The following ADARB1 variants were observed in gnomAD, a reference collection of about 807,000 sequenced individuals.
ADARB1 encodes the protein double-stranded RNA-specific editase 1.
In ADARB1, 10 loss-of-function variants were observed where a neutral mutation model predicts 52.4. The ratio of observed to expected loss-of-function variants is 0.19; its 90% confidence interval spans 0.12 to 0.32. The LOEUF is 0.32. ADARB1 is among the 10% of genes least tolerant of loss of function. The pLI, the probability that ADARB1 is intolerant of heterozygous loss-of-function variation, is 1.00. For synonymous variants in ADARB1, 349 were observed against 371.1 expected (o/e 0.94, Z 0.68); for missense variants, 643 against 922.3 (o/e 0.70, Z 3.92).
At chr21:45,113,079 G>A (rs1281960648) in intron 1 of ADARB1, among the ~76,000 whole-genome samples, 3 of 152,094 alleles carry the variant, frequency 2.0e-5, no homozygotes, top group Admixed American at 1.3e-4. Flanking sequence ...TTGCTTGCAC[G>A]CCTTTCCTAG....
At chr21:45,194,364 C>T (rs1473724951) in intron 8 of ADARB1, among the ~76,000 whole-genome samples, 1 of 152,170 alleles carries the variant, frequency 6.6e-6, no homozygotes, top group East Asian at 1.9e-4. Context: ...TGTATAATGA[C>T]CTGTATCCAC....
intron 2 of ADARB1, among the ~76,000 whole-genome samples, chr21:45,132,050 A>T (rs2088977448): frequency 6.6e-6 from 1 of 152,202 alleles, no homozygotes; most frequent in African/African-American, 2.4e-5. Flanking sequence ...AAAACTTGAC[A>T]TTTTTCTTCC....
chr21:45,109,320 G>C (rs439077), intron 1 of ADARB1, among the ~76,000 whole-genome samples: 1 of 152,118 alleles, frequency 6.6e-6, no homozygotes, highest in African/African-American at 2.4e-5. Flanking sequence ...GTGTGCGCGC[G>C]TGTGCGTATA....
chr21:45,096,026 G>T (rs2086743833), intron 1 of ADARB1, among the ~76,000 whole-genome samples: 1 of 152,246 alleles, frequency 6.6e-6, no homozygotes, highest in South Asian at 2.1e-4. Context: ...TCAGATACAG[G>T]CTCTGTTTTA....
rs940101647 is a variant in ADARB1, at chr21:45,220,730, C to T, written c.1748-106C>T. ...TCCTCGGCAGGCAGAATTCCCCCAC[C>T]ACGCACTTCTGTGGCCATGTCTGAG... On this transcript the variant is annotated intron_variant, in intron 9 of 10. Transcript: ENST00000348831. The surrounding 1 kb of genome is among the most constrained non-coding windows in gnomAD (Gnocchi z 6.3). 1 of 1,216,566 alleles carries T rather than the reference C, an allele frequency of 8.2e-7. No individual in the cohort carries two copies. The highest frequency in any genetic ancestry group is 1.2e-6 in the Non-Finnish European group (1 of 853,316). 75.4% of individuals were successfully genotyped at this position (1,216,566 alleles called of 1,614,324 possible).
intron 2 of ADARB1, among the ~76,000 whole-genome samples, chr21:45,154,987 G>A (rs1478396631): frequency 1.3e-5 from 2 of 152,208 alleles, no homozygotes; most frequent in Non-Finnish European, 2.9e-5. Flanking sequence ...AGAGAGATGG[G>A]AACAAAGAGG....
At position 45,075,823 on chromosome 21, in the gene ADARB1, A is replaced by G. The variant is rs542632577; in HGVS notation, c.-220+1030A>G. Among the ~76,000 whole-genome samples the G allele has an allele frequency of 2.0e-5, 3 of 152,338 alleles. No individual in the cohort carries two copies. In the South Asian group the frequency reaches 6.2e-4, roughly 32 times the overall value. ...AGGTTTGGGCTGTTACTTCTGATAC[A>G]GGCATTTTACTTCCTTCTTACTAAC... On this transcript the variant is annotated intron_variant, in intron 1 of 10. Coordinates refer to ENST00000348831, the MANE Select transcript of ADARB1 (RefSeq NM_001112.4).
At chr21:45,207,078 G>A (rs1462156248) in intron 9 of ADARB1, among the ~76,000 whole-genome samples, 1 of 152,116 alleles carries the variant, frequency 6.6e-6, no homozygotes, top group Non-Finnish European at 1.5e-5. Context: ...GATGGACCAG[G>A]CACCCCTTGC....
chr21:45,217,994 G>C (rs973670249), intron 9 of ADARB1, among the ~76,000 whole-genome samples: 3 of 152,100 alleles, frequency 2.0e-5, no homozygotes, highest in African/African-American at 7.2e-5. Context: ...CTTAATACTA[G>C]TGTTGAACAA....
At chr21:45,188,888 G>A (rs1370193851) in intron 8 of ADARB1, among the ~76,000 whole-genome samples, 1 of 152,166 alleles carries the variant, frequency 6.6e-6, no homozygotes, top group Non-Finnish European at 1.5e-5. Flanking sequence ...AAAGAAAGAG[G>A]TTTAATGGAC....
Position 45,178,125 on chromosome 21 carries a change from G to A in ADARB1, c.963+1461G>A, listed in dbSNP as rs148051596. 3.1e-4 allele frequency among the ~76,000 whole-genome samples: 47 copies of A among 152,306 alleles called. No homozygotes were observed. In the East Asian group the frequency reaches 5.4e-3, roughly 18 times the overall value. ...GACCATTGAAATGACATCAAATGCC[G>A]TGGATCCCAGATGTCTGAACCTTCA... On this transcript the variant is annotated intron_variant, in intron 4 of 10. Coordinates refer to ENST00000348831, the MANE Select transcript of ADARB1 (RefSeq NM_001112.4).
At chr21:45,096,124 C>T (rs1383450552) in intron 1 of ADARB1, among the ~76,000 whole-genome samples, 1 of 152,236 alleles carries the variant, frequency 6.6e-6, no homozygotes. Context: ...CACCTAGTAA[C>T]GAGCATGGCT....
intron 2 of ADARB1, chr21:45,133,709 G>A (rs1413621029): frequency 3.9e-5 from 10 of 254,760 alleles, no homozygotes; most frequent in East Asian, 2.8e-4. Flanking sequence ...GTGTGCGACC[G>A]ATGGGTGTAT....
intron 1 of ADARB1, among the ~76,000 whole-genome samples, chr21:45,083,927 C>T (rs1204025351): frequency 6.6e-6 from 1 of 152,184 alleles, no homozygotes. Flanking sequence ...TCTCGAGCTC[C>T]TGGACTCAAG....
chr21:45,169,111 C>T (rs1601737628), intron 2 of ADARB1, among the ~76,000 whole-genome samples: 1 of 152,230 alleles, frequency 6.6e-6, no homozygotes, highest in Non-Finnish European at 1.5e-5. Flanking sequence ...CACCGGCTAG[C>T]GTCGTTTCTA....
intron 8 of ADARB1, among the ~76,000 whole-genome samples, chr21:45,201,726 G>A (rs779469073): frequency 2.0e-5 from 3 of 152,336 alleles, no homozygotes; most frequent in South Asian, 2.1e-4. Flanking sequence ...ACTGGGGTAG[G>A]ATGGGAGCAG....
intron 1 of ADARB1, among the ~76,000 whole-genome samples, chr21:45,077,090 A>C (rs2085968599): frequency 6.6e-6 from 1 of 152,178 alleles, no homozygotes; most frequent in Admixed American, 6.5e-5. Context: ...AATATATGAC[A>C]AACCTTGCTA....
At chr21:45,151,512 T>G (rs941694420) in intron 2 of ADARB1, among the ~76,000 whole-genome samples, 2 of 152,196 alleles carry the variant, frequency 1.3e-5, no homozygotes, top group Non-Finnish European at 2.9e-5. Flanking sequence ...TTTTTTCTTT[T>G]GCCTATGAGT....
intron 2 of ADARB1, among the ~76,000 whole-genome samples, chr21:45,154,751 AC>A (rs2090468861): frequency 6.6e-6 from 1 of 152,184 alleles, no homozygotes; most frequent in Admixed American, 6.5e-5. Context: ...AGAATAATGT[AC>A]CATTTAAATA....
Sources: gnomAD v4.1 joint callset for allele counts (sites outside exome capture counted in the v4.1 genomes callset) on GRCh38, gnomAD v4.1.1 for gene constraint, Gnocchi (gnomAD v3.1) non-coding constraint, MANE v1.5 for transcripts, NCBI Gene and HGNC (gene_info 2026-07-23, HGNC 2026-07-21) for gene names.